ARPP21: variants seen among roughly 807,000 people sequenced by gnomAD.
The protein encoded by ARPP21 is cAMP regulated phosphoprotein 21, also known as cAMP-regulated phosphoprotein 21.
ARPP21 carries 69 observed loss-of-function variants against 113.2 expected under a neutral mutation model. The ratio of observed to expected loss-of-function variants is 0.61; its 90% CI spans 0.50 to 0.74. The LOEUF (loss-of-function observed/expected upper bound fraction) is 0.74, where lower values mean the gene tolerates loss of function less well. Ranked by LOEUF, ARPP21 falls within the 30% of genes least tolerant of loss-of-function variation. The probability of loss-of-function intolerance (pLI) is 0.00; values close to 1 mark genes in which losing one functional copy is unlikely to be tolerated. For synonymous variants in ARPP21, 368 were observed against 375.5 expected (o/e 0.98, Z 0.23); for missense variants, 1,070 against 1,037.4 (o/e 1.03, Z -0.43).
intron 19 of ARPP21, among the ~76,000 whole-genome samples, chr3:35,746,094 C>T (rs894398071): frequency 6.6e-6 from 1 of 152,178 alleles, no homozygotes; most frequent in African/African-American, 2.4e-5. Flanking sequence ...GAAATGATGG[C>T]ATTAGTATAC....
intron 19 of ARPP21, among the ~76,000 whole-genome samples, chr3:35,750,908 C>T (rs2151069423): frequency 6.6e-6 from 1 of 152,244 alleles, no homozygotes; most frequent in East Asian, 1.9e-4. Context: ...TGAGCTGTTC[C>T]TATAAGCTTC....
chr3:35,713,152 G>A lies in ARPP21; in HGVS notation c.898-2287G>A, dbSNP rs751081455. The stretch of plus-strand genomic sequence containing the variant: ...GAAAAGAAGCAAGCCTTTTATATCC[G>A]AGAATGCATATAAGTGACAGCTTTG... On this transcript the variant is annotated intron_variant, in intron 11 of 20. Coordinates refer to ENST00000684406, the MANE Select transcript of ARPP21 (RefSeq NM_001385562.1). Among the ~76,000 whole-genome samples the A allele has an allele frequency of 5.9e-5, 9 of 152,038 alleles. No homozygotes were observed. The South Asian group carries it at 8.3e-4, about 14-fold the overall frequency.
chr3:35,763,249 T>A (rs1362114236), intron 19 of ARPP21, among the ~76,000 whole-genome samples: 1 of 152,130 alleles, frequency 6.6e-6, no homozygotes, highest in African/African-American at 2.4e-5. Flanking sequence ...ATAGTTCTCT[T>A]ACCTGCCTCA....
At chr3:35,726,461 G>A (rs1420640048) in intron 14 of ARPP21, among the ~76,000 whole-genome samples, 1 of 152,220 alleles carries the variant, frequency 6.6e-6, no homozygotes, top group Non-Finnish European at 1.5e-5. Context: ...TTTTGAAGAG[G>A]TTTGACTTTA....
chr3:35,707,943 C>T (rs1245950244), intron 10 of ARPP21, among the ~76,000 whole-genome samples: 1 of 151,424 alleles, frequency 6.6e-6, no homozygotes, highest in Non-Finnish European at 1.5e-5. Flanking sequence ...CTCTGACAAT[C>T]AAAATAGACT....
At chr3:35,739,680 T>A in intron 18 of ARPP21, 103 bp downstream of exon 18, 1 of 1,405,472 alleles carries the variant, frequency 7.1e-7, no homozygotes, top group Middle Eastern at 2.6e-4. Flanking sequence ...CCTCTTCCCT[T>A]TCTAGTCTAT....
At chr3:35,773,707 A>G (rs2096272548) in intron 19 of ARPP21, among the ~76,000 whole-genome samples, 1 of 152,198 alleles carries the variant, frequency 6.6e-6, no homozygotes, top group Admixed American at 6.5e-5. Flanking sequence ...ATGAAATTTC[A>G]TCATGTAAGC....
At chr3:35,656,500 A>T (rs1704995572) in intron 1 of ARPP21, among the ~76,000 whole-genome samples, 1 of 152,100 alleles carries the variant, frequency 6.6e-6, no homozygotes, top group Admixed American at 6.6e-5. Context: ...GTGAATTACT[A>T]ATCGACACAA....
At chr3:35,743,765 A>G (rs2094831551) in intron 18 of ARPP21, 74 bp from the exon 19 acceptor site, 3 of 1,511,094 alleles carry the variant, frequency 2.0e-6, no homozygotes, top group Non-Finnish European at 2.8e-6. Flanking sequence ...TATAAGACGA[A>G]AGCATATTTT....
rs1461104124 is a variant in ARPP21 at position 35,793,749 on chromosome 3, C to T, written c.2335C>T (p.Gln779Ter). 5 of 1,613,732 alleles carry T rather than the reference C, an allele frequency of 3.1e-6. No individual in the cohort carries two copies. Among genetic ancestry groups the T allele is most frequent in the Non-Finnish European group, 4.2e-6 (5 of 1,179,588 alleles). The change falls in exon 21 of 21, where the codon CAG becomes TAG. Residue 779 changes from glutamine to a stop codon, truncating the protein, a stop_gained. Transcript: ENST00000684406. LOFTEE classifies it high-confidence loss of function. ...AGGACTGCCCCAGCAGTCATACCAA[C>T]AGCCAATCATGCTACCTAACCAGGC... ...SQGLPQQSYQ[Q>*]PIMLPNQAGQ...
intron 18 of ARPP21, among the ~76,000 whole-genome samples, chr3:35,741,176 A>G (rs776000610): frequency 2.6e-5 from 4 of 152,222 alleles, no homozygotes; most frequent in African/African-American, 9.7e-5. Context: ...AAGGAATTTC[A>G]ATATTAATCC....
chr3:35,661,305 G>T (rs572173171), intron 1 of ARPP21, among the ~76,000 whole-genome samples: 1 of 152,020 alleles, frequency 6.6e-6, no homozygotes, highest in Non-Finnish European at 1.5e-5. Context: ...GAGCTATATC[G>T]TGAGAATGGT....
intron 9 of ARPP21, among the ~76,000 whole-genome samples, chr3:35,701,341 AT>A (rs1344978250): frequency 3.3e-5 from 5 of 151,638 alleles, no homozygotes; most frequent in Non-Finnish European, 5.9e-5. Context: ...CTATAAAGTA[AT>A]TTTTCTACTG....
intron 1 of ARPP21, among the ~76,000 whole-genome samples, chr3:35,645,526 G>A (rs1375847314): frequency 2.0e-5 from 3 of 151,590 alleles, no homozygotes; most frequent in African/African-American, 7.3e-5. Context: ...CTTTTTCATT[G>A]AAAACAAATT....
intron 19 of ARPP21, among the ~76,000 whole-genome samples, chr3:35,790,169 A>G (rs1352530081): frequency 6.6e-6 from 1 of 152,184 alleles, no homozygotes. Context: ...AATCCAAAGT[A>G]CTAAATGGCA....
intron 5 of ARPP21, chr3:35,684,039 A>G: frequency 6.3e-7 from 1 of 1,598,608 alleles, no homozygotes; most frequent in Non-Finnish European, 8.5e-7. Context: ...AAAACTGCAA[A>G]TGGAAAGGAA....
rs1258582125 is a variant in ARPP21 at position 35,775,105 on chromosome 3, GA to G, written c.2138-17274del. The G allele has an allele frequency of 3.3e-5, 5 of 152,046 alleles. No homozygotes were observed. The East Asian group carries it at 9.7e-4, about 29-fold the overall frequency. 9.4% of individuals were successfully genotyped at this position (152,046 alleles called of 1,614,324 possible). A position where few individuals can be genotyped will look rare whatever the true frequency, so the allele number is the denominator to read the frequency against. ...CCCACTCCCCAAAGAAAGAATTTTGGAAATGCTCTCTGAGTGACTGGTAGTA... is the reference window on the plus strand; with the variant it reads ...CCCACTCCCCAAAGAAAGAATTTTGGAATGCTCTCTGAGTGACTGGTAGTA... On this transcript the variant is annotated intron_variant, in intron 19 of 20. Coordinates refer to ENST00000684406, the MANE Select transcript of ARPP21 (RefSeq NM_001385562.1).
chr3:35,643,680 C>T (rs1575352744), intron 1 of ARPP21: 1 of 151,986 alleles, frequency 6.6e-6, no homozygotes, highest in African/African-American at 2.4e-5. Flanking sequence ...TGTGAGGAGA[C>T]AGTTTGAAGT....
At chr3:35,669,907 A>G (rs2075894193) in intron 1 of ARPP21, among the ~76,000 whole-genome samples, 1 of 152,160 alleles carries the variant, frequency 6.6e-6, no homozygotes, top group Non-Finnish European at 1.5e-5. Context: ...GGAGTTTCTG[A>G]GCACAGTTTA....
Sources: allele counts gnomAD v4.1 joint callset (sites outside exome capture counted in the v4.1 genomes callset), GRCh38; gene constraint gnomAD v4.1.1; transcripts MANE v1.5; gene names NCBI Gene and HGNC (gene_info 2026-07-23, HGNC 2026-07-21).